The following TOMM5 variants were observed in gnomAD, a reference collection of about 807,000 sequenced individuals.
The protein encoded by TOMM5 is mitochondrial import receptor subunit TOM5 homolog.
A neutral mutation model predicts 4.8 loss-of-function variants in TOMM5; 1 was observed. The observed-to-expected ratio is 0.21, with a 90% CI of 0.07 to 0.99. The LOEUF (loss-of-function observed/expected upper bound fraction) is 0.99, where lower values mean the gene tolerates loss of function less well. TOMM5 is among the 50% of genes least tolerant of loss of function. The pLI is 0.60. For missense variants in TOMM5, 60 were observed against 66.6 expected (o/e 0.90, Z 0.35); for synonymous variants, 26 against 26.7 (o/e 0.97, Z 0.08).
At chr9:37,590,553 T>C (rs2119235013) in intron 1 of TOMM5, among the ~76,000 whole-genome samples, 1 of 152,318 alleles carries the variant, frequency 6.6e-6, no homozygotes, top group East Asian at 1.9e-4. Context: ...TGTCAAATTG[T>C]GATGGCTGCA....
intron 1 of TOMM5, chr9:37,592,172 TC>T: frequency 6.8e-7 from 1 of 1,465,970 alleles, no homozygotes; most frequent in Admixed American, 2.2e-5. Context: ...CAAACATTCT[TC>T]AAGCTGGGAG....
In TOMM5 at chr9:37,588,556, C is replaced by G; in HGVS notation, c.*342G>C. 2.3e-6 allele frequency: 1 copy of G among 430,154 alleles called. No homozygotes were observed. The highest frequency in any genetic ancestry group is 4.3e-6 in the Non-Finnish European group (1 of 230,620). The allele number at this position is 430,154 out of a possible 1,614,324, so 26.6% of individuals were successfully genotyped here. On this transcript the variant is annotated 3_prime_UTR_variant, in exon 2 of 2. Transcript: ENST00000321301. The stretch of plus-strand genomic sequence containing the variant: ...ACTCTGGGCAGAAGAAAAAGGTAAA[C>G]AGAAATGACTGACAAGACAGTGCCA...
In TOMM5 at chr9:37,592,253, C is replaced by T. The variant is rs765473753; in HGVS notation, c.121+159G>A. ...AGTGCCCGGACCCTGACCCGCAGAC[C>T]TCAAACCGCGCATATGCCCGTCGCC... On this transcript the variant is annotated intron_variant, in intron 1 of 1. Coordinates refer to ENST00000321301, the MANE Select transcript of TOMM5 (RefSeq NM_001001790.3). 35 of 1,547,540 alleles carry T rather than the reference C, an allele frequency of 2.3e-5. No homozygotes were observed. The East Asian group carries it at 2.5e-4, about 11-fold the overall frequency.
rs769582118 is a variant in TOMM5 at position 37,592,538 on chromosome 9, C to A, written c.-6G>T. On this transcript the variant is annotated 5_prime_UTR_variant, in exon 1 of 2. Transcript: ENST00000321301. ...AGGCCCTCAATCCGGAACATCGCGG[C>A]TCTGACTTAGCAGCTTCCAGCCGCC... is the stretch of plus-strand genomic sequence containing the variant. 6.2e-7 allele frequency: 1 copy of A among 1,611,890 alleles called. No homozygotes were observed.
intron 1 of TOMM5, among the ~76,000 whole-genome samples, chr9:37,589,552 C>CA (rs112972730): frequency 0.032 from 4,910 of 151,636 alleles, 280 homozygotes; most frequent in African/African-American, 0.11. Flanking sequence ...GTGTTGTGAC[C>CA]AAAAAAAAGC....
intron 1 of TOMM5, among the ~76,000 whole-genome samples, chr9:37,589,664 G>A (rs1463412327): frequency 6.6e-6 from 1 of 151,946 alleles, no homozygotes; most frequent in Non-Finnish European, 1.5e-5. Context: ...TGGGACTATA[G>A]GCACATGCCA....
At chr9:37,589,364 C>T (rs1484625353) in intron 1 of TOMM5, among the ~76,000 whole-genome samples, 1 of 152,184 alleles carries the variant, frequency 6.6e-6, no homozygotes, top group Non-Finnish European at 1.5e-5. Flanking sequence ...GAGCTGGACA[C>T]CTATTTTGGG....
rs7855824 is a variant in TOMM5, at chr9:37,588,845, C to T, written c.*53G>A. Reference sequence around the variant, plus strand: ...GGCCTATTCACTTGCAGAGAGGAGTCGAAACTGTAACCAGGCTCTTCATAT... The same window carrying T: ...GGCCTATTCACTTGCAGAGAGGAGTTGAAACTGTAACCAGGCTCTTCATAT... On this transcript the variant is annotated 3_prime_UTR_variant, in exon 2 of 2. Transcript: ENST00000321301. 3.9e-3 allele frequency: 6,233 copies of T among 1,585,866 alleles called. 186 individuals are homozygous for T. In the African/African-American group the frequency reaches 0.066, roughly 17 times the overall value.
chr9:37,590,716 C>A (rs1823086624), intron 1 of TOMM5, among the ~76,000 whole-genome samples: 1 of 152,106 alleles, frequency 6.6e-6, no homozygotes, highest in East Asian at 1.9e-4. Flanking sequence ...GCAGCTAGAT[C>A]AATGAAAAAG....
chr9:37,592,386 A>G, intron 1 of TOMM5, 26 bp downstream of exon 1: 2 of 1,613,850 alleles, frequency 1.2e-6, no homozygotes, highest in Non-Finnish European at 1.7e-6. Flanking sequence ...CGCTGGTCTC[A>G]CAGTCACAGC....
chr9:37,590,763 A>G lies in TOMM5; in HGVS notation c.121+1649T>C, dbSNP rs73441362. On this transcript the variant is annotated intron_variant, in intron 1 of 1. Transcript: ENST00000321301. Reference sequence around the variant, plus strand: ...GAAATAAGTAAATTTGGGAGTTGCAAGAAGCTGTTGAACTAGGATGATACG... The same window carrying G: ...GAAATAAGTAAATTTGGGAGTTGCAGGAAGCTGTTGAACTAGGATGATACG... Among the ~76,000 whole-genome samples, 1,029 of 152,326 alleles carry G rather than the reference A, an allele frequency of 6.8e-3. 18 individuals carry two copies. The highest frequency in any genetic ancestry group is 0.023 in the African/African-American group (972 of 41,564).
chr9:37,591,423 G>T (rs1484609583), intron 1 of TOMM5, among the ~76,000 whole-genome samples: 1 of 152,172 alleles, frequency 6.6e-6, no homozygotes, highest in African/African-American at 2.4e-5. Context: ...CCGGCCGCTG[G>T]TTCACGCCTG....
chr9:37,592,552 C>T lies in TOMM5; in HGVS notation c.-20G>A, dbSNP rs1404026711. ...GAACATCGCGGCTCTGACTTAGCAG[C>T]TTCCAGCCGCCGCGCTCTGCTCTCC... On this transcript the variant is annotated 5_prime_UTR_variant, in exon 1 of 2. Transcript: ENST00000321301. The T allele has an allele frequency of 5.0e-6, 8 of 1,606,458 alleles. No homozygotes were observed. The highest frequency in any genetic ancestry group is 6.8e-6 in the Non-Finnish European group (8 of 1,175,542).
intron 1 of TOMM5, among the ~76,000 whole-genome samples, chr9:37,591,679 G>A (rs553957388): frequency 1.4e-5 from 2 of 147,956 alleles, no homozygotes; most frequent in East Asian, 4.1e-4. Context: ...GCAACAGGGC[G>A]TGACTGTGTA....
Position 37,588,914 on chromosome 9 carries a change from T to C in TOMM5, c.140A>G (p.Lys47Arg), listed in dbSNP as rs769410392. 6.2e-7 allele frequency: 1 copy of C among 1,613,718 alleles called. No individual in the cohort carries two copies. The highest frequency in any genetic ancestry group is 1.1e-5 in the South Asian group (1 of 90,984). The stretch of plus-strand genomic sequence containing the variant: ...GTCCTGTCTTCATATGCTGTCCAAT[T>C]TCTTTAAGATAAATGGAGCTGAAAG... ...LLRVTPFILK[K>R]LDSI Residue 47 changes from lysine (K) to arginine (R), a missense_variant, in exon 2 of 2, where the codon AAA (lysine) becomes AGA (arginine). Lys to Arg is a conservative substitution (Grantham distance 26). Transcript: ENST00000321301.
Position 37,588,769 on chromosome 9 carries a change from C to A in TOMM5, c.*129G>T, listed in dbSNP as rs542911019. 101 of 943,052 alleles carry A rather than the reference C, an allele frequency of 1.1e-4. 2 individuals carry two copies. The South Asian group carries it at 1.3e-3, about 12-fold the overall frequency. 58.4% of individuals were successfully genotyped at this position (943,052 alleles called of 1,614,324 possible). Reference sequence around the variant, plus strand: ...GTCAGTTACCAGAGCCAAACTTGTTCTTAACAAGCAGAATTTTATGTCCAT... The same window carrying A: ...GTCAGTTACCAGAGCCAAACTTGTTATTAACAAGCAGAATTTTATGTCCAT... On this transcript the variant is annotated 3_prime_UTR_variant, in exon 2 of 2. Coordinates refer to ENST00000321301, the MANE Select transcript of TOMM5 (RefSeq NM_001001790.3).
In TOMM5 at chr9:37,588,796, C is replaced by A; in HGVS notation, c.*102G>T. On this transcript the variant is annotated 3_prime_UTR_variant, in exon 2 of 2. Transcript: ENST00000321301. ...TAACAAGCAGAATTTTATGTCCATT[C>A]AAAGAGTCTCTTACACCTTTCTGGG... 5 of 1,191,592 alleles carry A rather than the reference C, an allele frequency of 4.2e-6. No individual in the cohort carries two copies. Among genetic ancestry groups the A allele is most frequent in the Non-Finnish European group, 6.3e-6 (5 of 797,396 alleles). 73.8% of individuals were successfully genotyped at this position (1,191,592 alleles called of 1,614,324 possible).
At position 37,592,466 on chromosome 9, in the gene TOMM5, C is replaced by T. The variant is rs1251785362; in HGVS notation, c.67G>A (p.Asp23Asn). ...AAGTTCCGTATGGAGGAGATCACAT[C>T]CTCGCGCATCTTCCGTTTCATCTCC... ...PEEMKRKMRE[D>N]VISSIRNFLI... Residue 23 changes from aspartate to asparagine, a missense_variant, in exon 1 of 2, where the codon GAT becomes AAT. Asp to Asn is a conservative substitution (Grantham distance 23). Transcript: ENST00000321301. The T allele has an allele frequency of 6.2e-7, 1 of 1,614,176 alleles. No homozygotes were observed. The highest frequency in any genetic ancestry group is 8.5e-7 in the Non-Finnish European group (1 of 1,180,032).
In TOMM5 at chr9:37,588,883, T is replaced by C. The variant is rs757403605; in HGVS notation, c.*15A>G. 6.2e-7 allele frequency: 1 copy of C among 1,613,598 alleles called. No individual in the cohort carries two copies. The highest frequency in any genetic ancestry group is 1.3e-5 in the African/African-American group (1 of 74,936). On this transcript the variant is annotated 3_prime_UTR_variant, in exon 2 of 2. Coordinates refer to ENST00000321301, the MANE Select transcript of TOMM5 (RefSeq NM_001001790.3). ...AGGCTCTTCATATCGTGCATTCATA[T>C]GTGATGTCCTGTCTTCATATGCTGT...
Sources: allele counts gnomAD v4.1 joint callset (sites outside exome capture counted in the v4.1 genomes callset), GRCh38; gene constraint gnomAD v4.1.1; transcripts MANE v1.5; gene names NCBI Gene and HGNC (gene_info 2026-07-23, HGNC 2026-07-21).